The following KCNH7 variants were observed in gnomAD, a reference collection of about 807,000 sequenced individuals.
The protein encoded by KCNH7 is potassium voltage-gated channel subfamily H member 7.
In KCNH7, 49 loss-of-function variants were observed where a neutral mutation model predicts 120.8. The ratio of observed to expected loss-of-function variants is 0.41; its 90% confidence interval spans 0.32 to 0.51. The LOEUF (loss-of-function observed/expected upper bound fraction) is 0.51. Among genes scored for constraint, KCNH7 ranks in the 20% least tolerant of loss-of-function variants. The probability of loss-of-function intolerance (pLI) is 0.38; values close to 1 mark genes in which losing one functional copy is unlikely to be tolerated. For synonymous variants in KCNH7, 547 were observed against 516.1 expected (o/e 1.06, Z -0.81); for missense variants, 1,097 against 1,446.6 (o/e 0.76, Z 3.92).
chr2:162,561,842 A>C (rs1693079244), intron 2 of KCNH7, among the ~76,000 whole-genome samples: 1 of 152,226 alleles, frequency 6.6e-6, no homozygotes, highest in African/African-American at 2.4e-5. Context: ...CCGAATAAAG[A>C]AAATGTGGCA....
At chr2:162,444,562 A>C (rs980598866) in intron 7 of KCNH7, among the ~76,000 whole-genome samples, 3 of 152,162 alleles carry the variant, frequency 2.0e-5, no homozygotes, top group Non-Finnish European at 2.9e-5. Flanking sequence ...TTTTTAGTGC[A>C]TTTTAAAATT....
intron 10 of KCNH7, 70 bp downstream of exon 10, chr2:162,400,119 C>A: frequency 6.7e-7 from 1 of 1,502,018 alleles, no homozygotes; most frequent in Admixed American, 2.0e-5. Context: ...TCTTTTTTTC[C>A]TAATCATTTT....
rs185620301 is a variant in KCNH7 at position 162,553,566 on chromosome 2, G to A, written c.308-16486C>T. ...CGGGAGGCTGAGGCAGGAAAATGGC[G>A]TGAACCCGGGAGGTGGAGCTTGCAG... On this transcript the variant is annotated intron_variant, in intron 2 of 15. Coordinates refer to ENST00000332142, the MANE Select transcript of KCNH7 (RefSeq NM_033272.4). Among the ~76,000 whole-genome samples, 534 of 152,080 alleles carry A rather than the reference G, an allele frequency of 3.5e-3. 4 individuals are homozygous for A. Among genetic ancestry groups the A allele is most frequent in the Non-Finnish European group, 5.9e-3 (398 of 67,990 alleles).
intron 6 of KCNH7, among the ~76,000 whole-genome samples, chr2:162,497,735 T>C (rs965790175): frequency 2.0e-5 from 3 of 152,186 alleles, no homozygotes; most frequent in Non-Finnish European, 4.4e-5. Context: ...CTCTATGAAA[T>C]GCATATGGAT....
At chr2:162,617,348 G>A (rs1015515632) in intron 2 of KCNH7, among the ~76,000 whole-genome samples, 7 of 151,992 alleles carry the variant, frequency 4.6e-5, no homozygotes, top group East Asian at 1.9e-4. Context: ...GCGTGGTGGC[G>A]GGCGCCTGTA....
At chr2:162,558,859 C>T (rs974698624) in intron 2 of KCNH7, among the ~76,000 whole-genome samples, 19 of 151,240 alleles carry the variant, frequency 1.3e-4, no homozygotes, top group Admixed American at 4.0e-4. Flanking sequence ...GTCAGGATAT[C>T]GAGACCATCC....
chr2:162,780,263 G>A (rs73014162), intron 2 of KCNH7, among the ~76,000 whole-genome samples: 4,684 of 152,128 alleles, frequency 0.031, 236 homozygotes, highest in African/African-American at 0.11. Context: ...TCATTTCCTC[G>A]ATGATATATC....
chr2:162,393,821 G>A (rs1191616638), intron 12 of KCNH7, among the ~76,000 whole-genome samples: 1 of 151,944 alleles, frequency 6.6e-6, no homozygotes, highest in Admixed American at 6.6e-5. Context: ...TCCCTCTCTA[G>A]GGAAGATGAG....
intron 6 of KCNH7, among the ~76,000 whole-genome samples, chr2:162,498,466 C>T (rs1558978774): frequency 7.1e-6 from 1 of 140,924 alleles, no homozygotes; most frequent in African/African-American, 2.7e-5. Flanking sequence ...AATCTACCCA[C>T]TGCCCAATGT....
intron 2 of KCNH7, among the ~76,000 whole-genome samples, chr2:162,744,694 T>A (rs1336033088): frequency 2.7e-5 from 4 of 150,044 alleles, no homozygotes; most frequent in African/African-American, 9.8e-5. Context: ...TGCCTCAGCC[T>A]CCCGAGTAGC....
intron 2 of KCNH7, among the ~76,000 whole-genome samples, chr2:162,751,854 T>C (rs940570245): frequency 6.6e-5 from 10 of 152,018 alleles, no homozygotes; most frequent in African/African-American, 2.2e-4. Context: ...AAATAATTCA[T>C]GATATAAAAT....
chr2:162,711,388 A>G (rs1686924851), intron 2 of KCNH7, among the ~76,000 whole-genome samples: 1 of 152,244 alleles, frequency 6.6e-6, no homozygotes, highest in Admixed American at 6.5e-5. Context: ...CTGACCAGCA[A>G]CACCTTGATA....
intron 1 of KCNH7, among the ~76,000 whole-genome samples, chr2:162,837,999 T>A (rs1355199973): frequency 1.3e-5 from 2 of 152,210 alleles, no homozygotes; most frequent in Non-Finnish European, 2.9e-5. Context: ...GCTTTGCAGT[T>A]TAACCAAGGT....
chr2:162,789,539 T>A (rs1272665816), intron 2 of KCNH7, among the ~76,000 whole-genome samples: 1 of 151,994 alleles, frequency 6.6e-6, no homozygotes, highest in Non-Finnish European at 1.5e-5. Flanking sequence ...ACCATTCCAT[T>A]CAACCACAGC....
intron 2 of KCNH7, among the ~76,000 whole-genome samples, chr2:162,548,145 G>A (rs1254266876): frequency 6.6e-6 from 1 of 152,132 alleles, no homozygotes; most frequent in Non-Finnish European, 1.5e-5. Flanking sequence ...GGGTAGAAAC[G>A]ATATCCTGGA....
intron 2 of KCNH7, among the ~76,000 whole-genome samples, chr2:162,679,677 TGA>T (rs1326476878): frequency 6.6e-6 from 1 of 151,672 alleles, no homozygotes; most frequent in African/African-American, 2.4e-5. Context: ...TTCATTAACC[TGA>T]GAGTCATATG....
chr2:162,629,640 TGCTCACACAA>T (rs1486901761), intron 2 of KCNH7, among the ~76,000 whole-genome samples: 1 of 152,044 alleles, frequency 6.6e-6, no homozygotes, highest in Admixed American at 6.6e-5. Context: ...GAGTCACCTT[TGCTCACACAA>T]GCTCTCCAAA....
chr2:162,762,889 A>G (rs1456187486), intron 2 of KCNH7, among the ~76,000 whole-genome samples: 1 of 152,136 alleles, frequency 6.6e-6, no homozygotes, highest in Non-Finnish European at 1.5e-5. Flanking sequence ...AGAATAAGCA[A>G]TCAATATATT....
At chr2:162,642,422 C>T (rs1684193192) in intron 2 of KCNH7, among the ~76,000 whole-genome samples, 1 of 152,158 alleles carries the variant, frequency 6.6e-6, no homozygotes, top group Non-Finnish European at 1.5e-5. Context: ...AATCTTGTCT[C>T]TGTATGTACC....
Sources: gnomAD v4.1 joint callset for allele counts (sites outside exome capture counted in the v4.1 genomes callset) on GRCh38, gnomAD v4.1.1 for gene constraint, MANE v1.5 for transcripts, NCBI Gene and HGNC (gene_info 2026-07-23, HGNC 2026-07-21) for gene names.